Variants in CORIN observed in about 807,000 individuals in gnomAD.
The protein encoded by CORIN is atrial natriuretic peptide-converting enzyme.
CORIN carries 117 observed loss-of-function variants against 125.3 expected under a neutral mutation model. The ratio of observed to expected loss-of-function variants is 0.93; its 90% CI spans 0.80 to 1.09. The LOEUF (loss-of-function observed/expected upper bound fraction) is 1.09, where lower values mean the gene tolerates loss of function less well. Among genes scored for constraint, CORIN ranks in the 50% least tolerant of loss-of-function variants. The probability of loss-of-function intolerance (pLI) is 0.00; values close to 1 mark genes in which losing one functional copy is unlikely to be tolerated. For missense variants in CORIN, 1,253 were observed against 1,306.7 expected (o/e 0.96, Z 0.63); for synonymous variants, 450 against 466.4 (o/e 0.96, Z 0.45).
At chr4:47,614,927 G>T (rs759174144) in intron 19 of CORIN, among the ~76,000 whole-genome samples, 17 of 152,162 alleles carry the variant, frequency 1.1e-4, no homozygotes, top group South Asian at 2.1e-4. Context: ...CGGGCACTTA[G>T]AAGTAAAAAA....
chr4:47,817,614 T>C (rs761939012), intron 1 of CORIN, among the ~76,000 whole-genome samples: 3 of 152,192 alleles, frequency 2.0e-5, no homozygotes, highest in Non-Finnish European at 2.9e-5. Flanking sequence ...GATTCTTTGG[T>C]TCTCAAGAAG....
chr4:47,801,697 A>G (rs1052389142), intron 2 of CORIN, among the ~76,000 whole-genome samples: 2 of 152,204 alleles, frequency 1.3e-5, no homozygotes, highest in Non-Finnish European at 2.9e-5. Context: ...AGCAGAGGGA[A>G]CATTTGGACA....
intron 6 of CORIN, 69 bp from the exon 7 acceptor site, chr4:47,683,907 A>G (rs576259280): frequency 1.7e-6 from 2 of 1,170,680 alleles, no homozygotes; most frequent in Admixed American, 2.1e-5. Context: ...ACGATATTTA[A>G]CAAAAGCCAA....
rs764311910 is a variant in CORIN at position 47,626,407 on chromosome 4, A to G, written c.2313T>C (p.Asn771=). 1 of 1,565,278 alleles carries G rather than the reference A, an allele frequency of 6.4e-7. No homozygotes were observed. Among genetic ancestry groups the G allele is most frequent in the African/African-American group, 1.4e-5 (1 of 74,052 alleles). The change falls in exon 17 of 22, where the codon AAT becomes AAC. Residue 771 remains asparagine (N), a splice_region_variant and synonymous_variant. Transcript: ENST00000273857. The part of the protein sequence containing the change: ...NGTTLHELLV[N]GQSCESRSKI... ...AGCTCTTATGAATGCATTCTTACCC[A>G]TTTACTAGAAGTTCATGTAAAGTGG...
intron 1 of CORIN, among the ~76,000 whole-genome samples, chr4:47,810,256 C>T (rs751572318): frequency 4.6e-5 from 7 of 152,004 alleles, no homozygotes; most frequent in Non-Finnish European, 7.4e-5. Context: ...GGCATGATCT[C>T]GGCTCATTGC....
At chr4:47,812,819 G>A (rs548575990) in intron 1 of CORIN, among the ~76,000 whole-genome samples, 2 of 152,258 alleles carry the variant, frequency 1.3e-5, no homozygotes, top group South Asian at 4.2e-4. Context: ...AACACTTACT[G>A]AATAAATGAA....
intron 3 of CORIN, among the ~76,000 whole-genome samples, chr4:47,780,100 T>C (rs1299410524): frequency 6.6e-6 from 1 of 152,132 alleles, no homozygotes; most frequent in Non-Finnish European, 1.5e-5. Flanking sequence ...ATTATAACAA[T>C]AGATTAGAAT....
At chr4:47,708,054 G>A (rs1207812719) in intron 5 of CORIN, among the ~76,000 whole-genome samples, 3 of 152,158 alleles carry the variant, frequency 2.0e-5, no homozygotes, top group Admixed American at 2.0e-4. Flanking sequence ...TAGCTAATAG[G>A]TGGTGGAGCT....
At chr4:47,756,463 G>T (rs1560534620) in intron 4 of CORIN, among the ~76,000 whole-genome samples, 1 of 152,128 alleles carries the variant, frequency 6.6e-6, no homozygotes, top group Admixed American at 6.5e-5. Context: ...TAAAATTTGG[G>T]TAACAGTATG....
At chr4:47,606,777 T>TTTCTCTCGTTCCTTCC (rs1338267896) in intron 19 of CORIN, among the ~76,000 whole-genome samples, 1 of 152,106 alleles carries the variant, frequency 6.6e-6, no homozygotes, top group African/African-American at 2.4e-5. Flanking sequence ...TCCTTTCTTC[T>TTTCTCTCGTTCCTTCC]TTCTCTCGTT....
intron 19 of CORIN, among the ~76,000 whole-genome samples, chr4:47,606,816 T>C (rs1310505007): frequency 4.6e-5 from 7 of 152,136 alleles, no homozygotes; most frequent in Non-Finnish European, 1.0e-4. Flanking sequence ...CAGTAATAAG[T>C]GCATTACCAT....
intron 19 of CORIN, among the ~76,000 whole-genome samples, chr4:47,604,231 G>C (rs1721560190): frequency 6.6e-6 from 1 of 152,162 alleles, no homozygotes; most frequent in African/African-American, 2.4e-5. Context: ...GTCTTGCCAT[G>C]CTCCAAAATT....
chr4:47,736,999 G>GTA (rs1454612790), intron 5 of CORIN, among the ~76,000 whole-genome samples: 1 of 152,226 alleles, frequency 6.6e-6, no homozygotes, highest in East Asian at 1.9e-4. Context: ...GGAGCCTAAA[G>GTA]AACTAAGCAG....
At chr4:47,597,679 A>G (rs544678225) in intron 21 of CORIN, among the ~76,000 whole-genome samples, 57 of 152,332 alleles carry the variant, frequency 3.7e-4, no homozygotes, top group Non-Finnish European at 4.7e-4. Flanking sequence ...AAAATAAATA[A>G]GATGCTCAGC....
At chr4:47,715,424 T>C (rs537384144) in intron 5 of CORIN, among the ~76,000 whole-genome samples, 1 of 152,144 alleles carries the variant, frequency 6.6e-6, no homozygotes, top group Admixed American at 6.5e-5. Context: ...CTGGGCAACA[T>C]GGCGAAACCT....
intron 1 of CORIN, among the ~76,000 whole-genome samples, chr4:47,810,198 T>A (rs1235172919): frequency 6.6e-6 from 1 of 152,186 alleles, no homozygotes; most frequent in African/African-American, 2.4e-5. Context: ...GGTGTTTTGT[T>A]TTGTTTTGAG....
chr4:47,795,202 A>G (rs756320715), intron 2 of CORIN, among the ~76,000 whole-genome samples: 6 of 152,086 alleles, frequency 3.9e-5, no homozygotes, highest in Admixed American at 6.6e-5. Flanking sequence ...GCCTCATAAT[A>G]TAGTTTGAAA....
intron 19 of CORIN, among the ~76,000 whole-genome samples, chr4:47,618,357 A>AAAGGG (rs1560474560): frequency 1.3e-4 from 19 of 150,134 alleles, no homozygotes; most frequent in African/African-American, 3.9e-4. Flanking sequence ...AAAGGAAAGG[A>AAAGGG]AAGGGAAGGG....
At chr4:47,656,784 G>A (rs1426310761) in intron 12 of CORIN, among the ~76,000 whole-genome samples, 1 of 152,166 alleles carries the variant, frequency 6.6e-6, no homozygotes, top group African/African-American at 2.4e-5. Context: ...CCTAGCTGAA[G>A]CAGTCATAAA....
Sources: gnomAD v4.1 joint callset for allele counts (sites outside exome capture counted in the v4.1 genomes callset) on GRCh38, gnomAD v4.1.1 for gene constraint, MANE v1.5 for transcripts, NCBI Gene and HGNC (gene_info 2026-07-23, HGNC 2026-07-21) for gene names.